IDNK: variants seen among roughly 807,000 people sequenced by gnomAD.
IDNK encodes the protein IDNK gluconokinase, also known as gluconokinase.
IDNK carries 9 observed loss-of-function variants against 13.0 expected under a neutral mutation model. The observed-to-expected ratio is 0.69, with a 90% CI of 0.42 to 1.21. IDNK has a LOEUF of 1.21. IDNK is among the 50% of genes most tolerant of loss of function. The probability of loss-of-function intolerance (pLI) is 0.00; values close to 1 mark genes in which losing one functional copy is unlikely to be tolerated. For synonymous variants in IDNK, 92 were observed against 94.9 expected, an observed-to-expected ratio of 0.97 and a Z score of 0.18; for missense variants, 210 against 237.8, an observed-to-expected ratio of 0.88 and a Z score of 0.77.
chr9:83,629,045 G>T, intron 3 of IDNK, 86 bp downstream of exon 3: 1 of 1,061,282 alleles, frequency 9.4e-7, no homozygotes, highest in Admixed American at 1.7e-5. Context: ...AGTAGAGTTC[G>T]TGAGTCCTAA....
At chr9:83,630,359 GAGT>G (rs1461535002) in intron 3 of IDNK, among the ~76,000 whole-genome samples, 2 of 152,160 alleles carry the variant, frequency 1.3e-5, no homozygotes, top group Non-Finnish European at 2.9e-5. Flanking sequence ...TAATAAAAAA[GAGT>G]AGTAATAATG....
intron 1 of IDNK, among the ~76,000 whole-genome samples, chr9:83,627,493 T>C (rs1202759863): frequency 2.0e-5 from 3 of 152,152 alleles, no homozygotes; most frequent in Admixed American, 1.3e-4. Context: ...ACAGGTGACT[T>C]GGCTGGGAGC....
intron 3 of IDNK, among the ~76,000 whole-genome samples, chr9:83,633,218 A>T (rs1057212575): frequency 2.0e-5 from 3 of 152,242 alleles, no homozygotes; most frequent in Non-Finnish European, 4.4e-5. Context: ...AGGCGCCTGT[A>T]GTCCCAGCTA....
chr9:83,623,315 CTTGGG>C, intron 1 of IDNK, 94 bp downstream of exon 1: 1 of 1,149,396 alleles, frequency 8.7e-7, no homozygotes, highest in Non-Finnish European at 1.2e-6. Flanking sequence ...GGACTGGGGT[CTTGGG>C]GACCCCCCAC....
At chr9:83,623,969 ACAT>A (rs1389372448) in intron 1 of IDNK, among the ~76,000 whole-genome samples, 4 of 152,298 alleles carry the variant, frequency 2.6e-5, no homozygotes, top group African/African-American at 9.6e-5. Flanking sequence ...ATCAGCTAAA[ACAT>A]CATAACCTTC....
At chr9:83,635,364 T>C (rs557769480) in intron 3 of IDNK, among the ~76,000 whole-genome samples, 15 of 152,296 alleles carry the variant, frequency 9.8e-5, no homozygotes, top group Admixed American at 8.5e-4. Context: ...TTAGTGAACA[T>C]GGGAGAGTTA....
intron 3 of IDNK, among the ~76,000 whole-genome samples, chr9:83,635,242 G>C (rs1180644017): frequency 6.6e-6 from 1 of 152,168 alleles, no homozygotes; most frequent in Non-Finnish European, 1.5e-5. Flanking sequence ...ACAAGTTCCT[G>C]CATAAACCAA....
Position 83,643,850 on chromosome 9 carries a change from A to T in IDNK, c.*70A>T. Reference sequence around the variant, plus strand: ...ATTGTGCCATCCCAAACCTCGTTCCAGCCGCCTTGCCCATACTAGATTCTA... The same window carrying T: ...ATTGTGCCATCCCAAACCTCGTTCCTGCCGCCTTGCCCATACTAGATTCTA... On this transcript the variant is annotated 3_prime_UTR_variant, in exon 5 of 5. Coordinates refer to ENST00000376419, the MANE Select transcript of IDNK (RefSeq NM_001001551.4). 8.5e-7 allele frequency: 1 copy of T among 1,179,794 alleles called. No homozygotes were observed. The highest frequency in any genetic ancestry group is 1.2e-6 in the Non-Finnish European group (1 of 830,282). The allele number at this position is 1,179,794 out of a possible 1,614,324, so 73.1% of individuals were successfully genotyped here. A position where few individuals can be genotyped will look rare whatever the true frequency, so the allele number is the denominator to read the frequency against.
chr9:83,628,077 A>C lies in IDNK; in HGVS notation c.51-104A>C, dbSNP rs968628819. On this transcript the variant is annotated intron_variant, in intron 1 of 4. Coordinates refer to ENST00000376419, the MANE Select transcript of IDNK (RefSeq NM_001001551.4). ...AGGATTACACAGTGATTGGTGTTTA[A>C]ATTCCTGCTAAGGCAGCCATCCCTT... 3.3e-6 allele frequency: 5 copies of C among 1,531,934 alleles called. No homozygotes were observed. In the Admixed American group the frequency reaches 7.9e-5, roughly 24 times the overall value. 94.9% of individuals were successfully genotyped at this position (1,531,934 alleles called of 1,614,324 possible). A position where few individuals can be genotyped will look rare whatever the true frequency, so the allele number is the denominator to read the frequency against.
At chr9:83,636,666 C>G (rs75354921) in intron 3 of IDNK, among the ~76,000 whole-genome samples, 14,616 of 152,102 alleles carry the variant, frequency 0.096, 928 homozygotes, top group Non-Finnish European at 0.13. Flanking sequence ...TTATTAACCA[C>G]AAAAGAAAGA....
Position 83,623,216 on chromosome 9 carries a change from G to C in IDNK, c.45G>C (p.Ser15=), listed in dbSNP as rs1202347962. 2.9e-6 allele frequency: 4 copies of C among 1,403,400 alleles called. No homozygotes were observed. Among genetic ancestry groups the C allele is most frequent in the South Asian group, 1.6e-5 (1 of 60,946 alleles). 86.9% of individuals were successfully genotyped at this position (1,403,400 alleles called of 1,614,324 possible). The change falls in exon 1 of 5, where the codon TCG becomes TCC. Residue 15 remains serine, a synonymous_variant. Transcript: ENST00000376419. ...GALLVMGVSG[S]GKSTVGALLA... ...TGCTGGTGATGGGCGTGAGCGGCTC[G>C]GGGAAGTAGGTCCGGGAGAGGGCGG...
At chr9:83,635,830 C>A (rs773247027) in intron 3 of IDNK, among the ~76,000 whole-genome samples, 2 of 152,194 alleles carry the variant, frequency 1.3e-5, no homozygotes, top group Non-Finnish European at 2.9e-5. Flanking sequence ...GCAGATGCCT[C>A]CATTTTCATG....
In IDNK at chr9:83,627,923, G is replaced by C. The variant is rs924427609; in HGVS notation, c.51-258G>C. ...AACTGATTACTGAAGAAAAAACTTG[G>C]GTTTAATGAGATCTTATATATTGCC... On this transcript the variant is annotated intron_variant, in intron 1 of 4. Transcript: ENST00000376419. The C allele has an allele frequency of 3.2e-5, 29 of 893,526 alleles. No homozygotes were observed. The East Asian group carries it at 1.2e-3, about 36-fold the overall frequency. The allele number at this position is 893,526 out of a possible 1,614,324, so 55.3% of individuals were successfully genotyped here.
rs777890451 is a variant in IDNK at position 83,628,922 on chromosome 9, G to A, written c.131G>A (p.Arg44Gln). The A allele has an allele frequency of 1.5e-5, 24 of 1,613,942 alleles. No homozygotes were observed. Among genetic ancestry groups the A allele is most frequent in the African/African-American group, 4.0e-5 (3 of 74,908 alleles). ...DADDYHPEEN[R>Q]RKMGKGIPLN... ...GATGATTATCACCCGGAGGAAAATC[G>A]AAGGAAGATGGGAAAAGGCATACCG... Residue 44 changes from arginine (R) to glutamine (Q), a missense_variant, in exon 3 of 5, where the codon CGA becomes CAA. Coordinates refer to ENST00000376419, the MANE Select transcript of IDNK (RefSeq NM_001001551.4).
chr9:83,642,215 TA>T, intron 4 of IDNK, among the ~76,000 whole-genome samples: 1 of 152,228 alleles, frequency 6.6e-6, no homozygotes, highest in South Asian at 2.1e-4. Context: ...TGGAGAAGGA[TA>T]AGGAAAAGGC....
In IDNK at chr9:83,631,970, A is replaced by G. The variant is rs1053380356; in HGVS notation, c.168+3011A>G. Among the ~76,000 whole-genome samples the G allele has an allele frequency of 6.4e-4, 82 of 128,444 alleles. 1 individual carries two copies. The highest frequency in any genetic ancestry group is 1.9e-3 in the African/African-American group (39 of 20,666). The allele number at this position is 128,444 out of a possible 152,430, so 84.3% of individuals were successfully genotyped here. ...TTGTAAAAAGAGGGCTTTTTTTGGG[A>G]AAAAAAAAATCCTGAAAAAAATCTC... On this transcript the variant is annotated intron_variant, in intron 3 of 4. Coordinates refer to ENST00000376419, the MANE Select transcript of IDNK (RefSeq NM_001001551.4).
chr9:83,641,706 T>C lies in IDNK; in HGVS notation c.212+115T>C, dbSNP rs899626759. ...ATCACAACTGACTGATGGTAAAGGATTCTAGAAACTGGCTGCACTTCTATC... is the reference window on the plus strand; with the variant it reads ...ATCACAACTGACTGATGGTAAAGGACTCTAGAAACTGGCTGCACTTCTATC... On this transcript the variant is annotated intron_variant, in intron 4 of 4. Coordinates refer to ENST00000376419, the MANE Select transcript of IDNK (RefSeq NM_001001551.4). 5.0e-5 allele frequency: 53 copies of C among 1,063,052 alleles called. No individual in the cohort carries two copies. The Middle Eastern group carries it at 2.0e-3, about 41-fold the overall frequency. 65.9% of individuals were successfully genotyped at this position (1,063,052 alleles called of 1,614,324 possible). A position where few individuals can be genotyped will look rare whatever the true frequency, so the allele number is the denominator to read the frequency against.
intron 3 of IDNK, among the ~76,000 whole-genome samples, chr9:83,640,944 T>G (rs1056195425): frequency 6.6e-6 from 1 of 152,066 alleles, no homozygotes; most frequent in African/African-American, 2.4e-5. Context: ...TAATAGAAAG[T>G]TTTTTTTGTT....
chr9:83,639,402 A>G (rs1831243151), intron 3 of IDNK, among the ~76,000 whole-genome samples: 1 of 152,232 alleles, frequency 6.6e-6, no homozygotes, highest in African/African-American at 2.4e-5. Context: ...GAAAAAAATA[A>G]ATGCAGGAAA....
Sources: allele counts gnomAD v4.1 joint callset (sites outside exome capture counted in the v4.1 genomes callset), GRCh38; gene constraint gnomAD v4.1.1; transcripts MANE v1.5; gene names NCBI Gene and HGNC (gene_info 2026-07-23, HGNC 2026-07-21).